Variants in PP2D1 observed in about 807,000 individuals in gnomAD.
PP2D1 encodes protein phosphatase 2C-like domain-containing protein 1.
A neutral mutation model predicts 30.2 loss-of-function variants in PP2D1; 25 were observed. That is an observed-to-expected ratio of 0.83 (90% confidence interval 0.60 to 1.16). The LOEUF is 1.16. PP2D1 is among the 50% of genes most tolerant of loss of function. PP2D1 has a pLI of 0.00. For synonymous variants in PP2D1, 260 were observed against 258.9 expected (o/e 1.00, Z -0.04); for missense variants, 760 against 742.4 (o/e 1.02, Z -0.28).
chr3:19,999,545 A>AT (rs35816290), intron 2 of PP2D1, among the ~76,000 whole-genome samples: 29,293 of 139,432 alleles, frequency 0.21, 3,262 homozygotes, highest in South Asian at 0.32. Flanking sequence ...CGCCTGGCTA[A>AT]TTTTTTTTTT....
chr3:19,979,961 TA>T (rs1476057120), exon 4 of PP2D1: 2 of 152,226 alleles, frequency 1.3e-5, no homozygotes, highest in African/African-American at 4.8e-5. Context: ...GAAAACCCAG[TA>T]AAAGTTGCAA....
At chr3:19,998,389 T>C (rs1050986243) in intron 2 of PP2D1, among the ~76,000 whole-genome samples, 2 of 151,598 alleles carry the variant, frequency 1.3e-5, no homozygotes, top group Non-Finnish European at 2.9e-5. Context: ...TAGTGTTTGA[T>C]AGCACATTAG....
chr3:19,980,686 A>G (rs1030727975), downstream of PP2D1, among the ~76,000 whole-genome samples: 1 of 152,202 alleles, frequency 6.6e-6, no homozygotes, highest in South Asian at 2.1e-4. Context: ...TACAATATAT[A>G]GTGCTATTTT....
rs1359249924 is a variant in PP2D1 at position 19,985,494 on chromosome 3, T to C, written c.1779A>G (p.Ala593=). 6.5e-7 allele frequency: 1 copy of C among 1,536,146 alleles called. No homozygotes were observed. Among genetic ancestry groups the C allele is most frequent in the Non-Finnish European group, 8.7e-7 (1 of 1,146,874 alleles). The change falls in exon 3 of 3, where the codon GCA becomes GCG. Residue 593 remains alanine (A), a synonymous_variant. Transcript: ENST00000389050. ...CAAGTTCATGGCTAACATACTCAGC[T>C]GCGCCTTCATAGAAACTCTTAGTGT... ...ESDTKSFYEG[A]AEYVSHELVN...
chr3:20,010,359 G>A (rs1387769639), intron 1 of PP2D1, among the ~76,000 whole-genome samples: 9 of 152,056 alleles, frequency 5.9e-5, no homozygotes, highest in Admixed American at 3.3e-4. Flanking sequence ...GCCTCCCAAA[G>A]TGCCGATTTA....
downstream of PP2D1, among the ~76,000 whole-genome samples, chr3:19,982,450 C>A (rs903943785): frequency 1.3e-5 from 2 of 152,134 alleles, no homozygotes; most frequent in African/African-American, 4.8e-5. Flanking sequence ...TTCCTTTGCC[C>A]AAAGCATAGA....
At chr3:20,004,995 G>A (rs1488310338) in intron 1 of PP2D1, among the ~76,000 whole-genome samples, 1 of 151,956 alleles carries the variant, frequency 6.6e-6, no homozygotes, top group East Asian at 1.9e-4. Context: ...CCTGTAGTCC[G>A]AGCTACTCAG....
chr3:20,004,585 C>T (rs148766266), intron 1 of PP2D1, among the ~76,000 whole-genome samples: 82 of 151,972 alleles, frequency 5.4e-4, no homozygotes, highest in African/African-American at 1.8e-3. Flanking sequence ...AGGTACAGGG[C>T]GAGGATAGGA....
At chr3:19,990,732 A>C (rs529695439) in intron 2 of PP2D1, among the ~76,000 whole-genome samples, 42 of 151,234 alleles carry the variant, frequency 2.8e-4, no homozygotes, top group Non-Finnish European at 5.4e-4. Context: ...GGTTTCCATG[A>C]AGATGGGAAA....
downstream of PP2D1, among the ~76,000 whole-genome samples, chr3:19,982,104 G>T (rs1696940298): frequency 6.6e-6 from 1 of 151,966 alleles, no homozygotes; most frequent in South Asian, 2.1e-4. Flanking sequence ...AGGCATGGTG[G>T]TGCACACCCT....
chr3:20,001,446 A>T lies in PP2D1; in HGVS notation c.674T>A (p.Val225Asp), dbSNP rs1215606051. ...AAELTSMELP[V>D]LLLHQLSKFD... ...TTTGGAAAGCTGATGGAGAAGTAAA[A>T]CTGGGAGTTCCATTGATGTCAACTC... Residue 225 changes from valine (V) to aspartate (D), a missense_variant, in exon 2 of 3, where the codon GTT (valine) becomes GAT (aspartate). By Grantham distance (152) the Val-to-Asp change is radical. Transcript: ENST00000389050. The T allele has an allele frequency of 6.5e-7, 1 of 1,536,544 alleles. No individual in the cohort carries two copies.
rs1032841335 is a variant in PP2D1 at position 19,996,889 on chromosome 3, C to T, written c.1090+4141G>A. 7 of 151,944 alleles carry T rather than the reference C, an allele frequency of 4.6e-5. No homozygotes were observed. The South Asian group carries it at 1.0e-3, about 23-fold the overall frequency. 9.4% of individuals were successfully genotyped at this position (151,944 alleles called of 1,614,324 possible). On this transcript the variant is annotated intron_variant, in intron 2 of 2. Transcript: ENST00000389050. ...TTGAAAACTTTTCCCCATAGCTCACCGTGACGACTTGTAATACAGCAAGCA... is the reference window on the plus strand; with the variant it reads ...TTGAAAACTTTTCCCCATAGCTCACTGTGACGACTTGTAATACAGCAAGCA...
At chr3:20,006,601 A>G (rs1040846533) in intron 1 of PP2D1, among the ~76,000 whole-genome samples, 3 of 151,956 alleles carry the variant, frequency 2.0e-5, no homozygotes, top group Non-Finnish European at 2.9e-5. Context: ...AGCTGTAACT[A>G]CAGGCGTGCA....
Position 20,001,729 on chromosome 3 carries a change from T to G in PP2D1, c.391A>C (p.Ile131Leu), listed in dbSNP as rs1697256202. ...CAAAGCAGCTCAAAAGCATTATTAA[T>G]GCTCTGTAGGGTTTTTTCAGTGAAC... is the stretch of plus-strand genomic sequence containing the variant. ...FMFTEKTLQS[I>L]NNAFELLWKK... Residue 131 changes from isoleucine to leucine, a missense_variant, in exon 2 of 3, where the codon ATT becomes CTT. Coordinates refer to ENST00000389050, the MANE Select transcript of PP2D1 (RefSeq NM_001252657.2). 1 of 1,532,230 alleles carries G rather than the reference T, an allele frequency of 6.5e-7. No individual in the cohort carries two copies. Among genetic ancestry groups the G allele is most frequent in the East Asian group, 2.4e-5 (1 of 40,896 alleles). 94.9% of individuals were successfully genotyped at this position (1,532,230 alleles called of 1,614,324 possible).
At position 20,001,822 on chromosome 3, in the gene PP2D1, TC is replaced by T. The variant is rs1697258181; in HGVS notation, c.297del (p.Lys100AsnfsTer6). 1.3e-6 allele frequency: 2 copies of T among 1,534,986 alleles called. No homozygotes were observed. The highest frequency in any genetic ancestry group is 1.7e-6 in the Non-Finnish European group (2 of 1,146,596). ...ACAGCAATCACTGAGGGCTGTGGTT[TC>T]TTTCTACCCATCCATTGGAAACCCA... ...ATLGFQWMGR[K>X]KPQPSVIAVQ... On this transcript the variant is annotated frameshift_variant, in exon 2 of 3. Coordinates refer to ENST00000389050, the MANE Select transcript of PP2D1 (RefSeq NM_001252657.2). LOFTEE classifies it high-confidence loss of function.
chr3:19,980,455 CTTTT>C (rs869252193), downstream of PP2D1, among the ~76,000 whole-genome samples: 1 of 118,446 alleles, frequency 8.4e-6, no homozygotes, highest in African/African-American at 3.2e-5. Flanking sequence ...ATTTTTTTTT[CTTTT>C]TTTTTTTGTT....
intron 2 of PP2D1, among the ~76,000 whole-genome samples, chr3:19,991,999 T>G (rs932751067): frequency 6.6e-6 from 1 of 152,170 alleles, no homozygotes; most frequent in Non-Finnish European, 1.5e-5. Context: ...TAGGATTGCA[T>G]GTAAATAAGG....
chr3:20,008,755 C>CA (rs1321316208), intron 1 of PP2D1, among the ~76,000 whole-genome samples: 3 of 151,704 alleles, frequency 2.0e-5, no homozygotes, highest in African/African-American at 7.3e-5. Context: ...GTCTCTTAAA[C>CA]AAAAAAAATT....
At position 19,985,486 on chromosome 3, in the gene PP2D1, T is replaced by C; in HGVS notation, c.1787A>G (p.Tyr596Cys). ...AGCATTTACAAGTTCATGGCTAACA[T>C]ACTCAGCTGCGCCTTCATAGAAACT... ...TKSFYEGAAE[Y>C]VSHELVNAAL... Residue 596 changes from tyrosine (Y) to cysteine (C), a missense_variant, in exon 3 of 3, where the codon TAT (tyrosine) becomes TGT (cysteine). Physicochemically the swap from Tyr to Cys is radical, Grantham distance 194 (BLOSUM62 -2). Coordinates refer to ENST00000389050, the MANE Select transcript of PP2D1 (RefSeq NM_001252657.2). The C allele has an allele frequency of 1.3e-6, 2 of 1,536,138 alleles. No individual in the cohort carries two copies. Among genetic ancestry groups the C allele is most frequent in the Non-Finnish European group, 1.7e-6 (2 of 1,146,864 alleles).
Sources: allele counts gnomAD v4.1 joint callset (sites outside exome capture counted in the v4.1 genomes callset), GRCh38; gene constraint gnomAD v4.1.1; transcripts MANE v1.5; gene names NCBI Gene and HGNC (gene_info 2026-07-23, HGNC 2026-07-21).